DYNC1I1: variants seen among roughly 807,000 people sequenced by gnomAD.
DYNC1I1 encodes cytoplasmic dynein 1 intermediate chain 1.
Under a neutral mutation model 86.6 loss-of-function variants are expected in DYNC1I1, and 43 were observed. The ratio of observed to expected loss-of-function variants is 0.50; its 90% CI spans 0.39 to 0.64. DYNC1I1 has a LOEUF of 0.64. Among genes scored for constraint, DYNC1I1 ranks in the 30% least tolerant of loss-of-function variants. The probability of loss-of-function intolerance (pLI) is 0.00; values close to 1 mark genes in which losing one functional copy is unlikely to be tolerated. For synonymous variants in DYNC1I1, 262 were observed against 283.7 expected, an observed-to-expected ratio of 0.92 and a Z score of 0.77; for missense variants, 604 against 788.8, an observed-to-expected ratio of 0.77 and a Z score of 2.81.
At chr7:96,026,624 A>G (rs1412105322) in intron 10 of DYNC1I1, among the ~76,000 whole-genome samples, 1 of 152,038 alleles carries the variant, frequency 6.6e-6, no homozygotes, top group Non-Finnish European at 1.5e-5. Flanking sequence ...CTTCCATGCA[A>G]TCCCCTTCCC....
chr7:96,011,020 G>A lies in DYNC1I1; in HGVS notation c.969+14947G>A, dbSNP rs116800222. 3.5e-3 allele frequency among the ~76,000 whole-genome samples: 531 copies of A among 152,240 alleles called. 1 individual carries two copies. The highest frequency in any genetic ancestry group is 0.012 in the African/African-American group (483 of 41,556). ...TATACGGGAAAATTGAATTCTTATT[G>A]CCTTCCTGGCCTGATTGCCTCGGGA... On this transcript the variant is annotated intron_variant, in intron 10 of 16. Coordinates refer to ENST00000447467, the MANE Select transcript of DYNC1I1 (RefSeq NM_001135556.2).
chr7:96,011,370 A>G (rs1188823567), intron 10 of DYNC1I1, among the ~76,000 whole-genome samples: 1 of 152,142 alleles, frequency 6.6e-6, no homozygotes, highest in Non-Finnish European at 1.5e-5. Context: ...AATAAAGTAG[A>G]GGGGTTTTTT....
intron 5 of DYNC1I1, among the ~76,000 whole-genome samples, chr7:95,857,450 C>T (rs1484259873): frequency 6.6e-6 from 1 of 152,120 alleles, no homozygotes; most frequent in Non-Finnish European, 1.5e-5. Context: ...ATTTTGTTGG[C>T]ATTGCAATTC....
intron 5 of DYNC1I1, among the ~76,000 whole-genome samples, chr7:95,866,384 G>T (rs531898197): frequency 3.5e-4 from 53 of 152,228 alleles, no homozygotes; most frequent in African/African-American, 1.2e-3. Flanking sequence ...TGGTCATAAG[G>T]CATTAGAGAA....
chr7:96,107,533 CTTTTTTT>C (rs201003613), intron 16 of DYNC1I1, among the ~76,000 whole-genome samples: 5 of 138,862 alleles, frequency 3.6e-5, no homozygotes, highest in Non-Finnish European at 7.9e-5. Context: ...GTAATTTCTT[CTTTTTTT>C]TTTTTTTTTG....
At chr7:96,023,999 C>G (rs1461002973) in intron 10 of DYNC1I1, among the ~76,000 whole-genome samples, 2 of 152,128 alleles carry the variant, frequency 1.3e-5, no homozygotes, top group African/African-American at 4.8e-5. Context: ...CCTAACGTAA[C>G]ACTGTCTTTG....
At chr7:96,063,083 A>ATG (rs1171713223) in intron 14 of DYNC1I1, among the ~76,000 whole-genome samples, 82 of 142,806 alleles carry the variant, frequency 5.7e-4, no homozygotes, top group Middle Eastern at 7.5e-3. Context: ...ATATATGTGT[A>ATG]TGTGTGTGTG....
intron 10 of DYNC1I1, among the ~76,000 whole-genome samples, chr7:96,025,118 T>C (rs1414383973): frequency 2.0e-5 from 3 of 152,166 alleles, no homozygotes; most frequent in Non-Finnish European, 4.4e-5. Flanking sequence ...CATCCAAATG[T>C]TGGCCACCAT....
intron 3 of DYNC1I1, among the ~76,000 whole-genome samples, chr7:95,811,487 A>G (rs1794828927): frequency 6.6e-6 from 1 of 152,114 alleles, no homozygotes. Flanking sequence ...ATGTAGAACA[A>G]AATGGCAAAT....
At chr7:95,854,814 A>C (rs1346674951) in intron 5 of DYNC1I1, among the ~76,000 whole-genome samples, 5 of 152,162 alleles carry the variant, frequency 3.3e-5, no homozygotes, top group Non-Finnish European at 7.4e-5. Context: ...TACAGACACA[A>C]AAAAAATAGT....
Position 95,790,573 on chromosome 7 carries a change from G to A in DYNC1I1, c.-9-14148G>A, listed in dbSNP as rs575991413. Among the ~76,000 whole-genome samples, 110 of 152,298 alleles carry A rather than the reference G, an allele frequency of 7.2e-4. 1 individual carries two copies. Among genetic ancestry groups the A allele is most frequent in the African/African-American group, 2.5e-3 (103 of 41,542 alleles). Reference sequence around the variant, plus strand: ...ACTACATGGACTTATGGAATCTTTAGTAACTCTGTGTTTTCCTCAGCTGTT... The same window carrying A: ...ACTACATGGACTTATGGAATCTTTAATAACTCTGTGTTTTCCTCAGCTGTT... On this transcript the variant is annotated intron_variant, in intron 1 of 16. Transcript: ENST00000447467.
At chr7:95,909,184 GAAAA>G (rs532285698) in intron 6 of DYNC1I1, among the ~76,000 whole-genome samples, 1 of 93,620 alleles carries the variant, frequency 1.1e-5, no homozygotes, top group African/African-American at 4.2e-5. Flanking sequence ...TGAGACAGCA[GAAAA>G]AAAAAAAAAA....
intron 6 of DYNC1I1, among the ~76,000 whole-genome samples, chr7:95,899,292 A>C (rs1017741340): frequency 2.0e-5 from 3 of 152,206 alleles, no homozygotes; most frequent in Admixed American, 2.0e-4. Flanking sequence ...TGCTCTGCAT[A>C]AGGATTTCTG....
chr7:96,012,016 T>C (rs1486211171), intron 10 of DYNC1I1, among the ~76,000 whole-genome samples: 7 of 152,190 alleles, frequency 4.6e-5, no homozygotes. Context: ...AATATGTTCC[T>C]ATGGTCTGCC....
At chr7:95,826,935 G>A (rs1195060750) in intron 4 of DYNC1I1, among the ~76,000 whole-genome samples, 5 of 152,158 alleles carry the variant, frequency 3.3e-5, no homozygotes, top group Non-Finnish European at 5.9e-5. Context: ...ATAAGCTACA[G>A]TAAGTATTTA....
At chr7:95,975,151 A>G (rs1488103213) in intron 6 of DYNC1I1, among the ~76,000 whole-genome samples, 1 of 152,178 alleles carries the variant, frequency 6.6e-6, no homozygotes, top group East Asian at 1.9e-4. Flanking sequence ...TGCACTCATC[A>G]CTGCCTTAAG....
intron 6 of DYNC1I1, among the ~76,000 whole-genome samples, chr7:95,959,296 A>G (rs1310756755): frequency 6.6e-6 from 1 of 152,208 alleles, no homozygotes; most frequent in African/African-American, 2.4e-5. Context: ...GGGGCACAAC[A>G]GGGCCTTTTA....
intron 5 of DYNC1I1, among the ~76,000 whole-genome samples, chr7:95,835,657 TG>T (rs1277802370): frequency 4.6e-5 from 7 of 152,164 alleles, no homozygotes; most frequent in Non-Finnish European, 1.0e-4. Context: ...TGGGTGCTCC[TG>T]TATTGGGTGC....
intron 1 of DYNC1I1, among the ~76,000 whole-genome samples, chr7:95,791,695 T>G (rs894852532): frequency 1.3e-5 from 2 of 152,234 alleles, no homozygotes; most frequent in Non-Finnish European, 2.9e-5. Flanking sequence ...GATTGTCAAT[T>G]ATAAATTAAT....
Sources: gnomAD v4.1 joint callset for allele counts (sites outside exome capture counted in the v4.1 genomes callset) on GRCh38, gnomAD v4.1.1 for gene constraint, MANE v1.5 for transcripts, NCBI Gene and HGNC (gene_info 2026-07-23, HGNC 2026-07-21) for gene names.